TRIM24: variants seen among roughly 807,000 people sequenced by gnomAD.
TRIM24 encodes the protein tripartite motif containing 24.
A neutral mutation model predicts 123.9 loss-of-function variants in TRIM24; 29 were observed. The ratio of observed to expected loss-of-function variants is 0.23; its 90% CI spans 0.17 to 0.32. TRIM24 has a LOEUF of 0.32. Among genes scored for constraint, TRIM24 ranks in the 10% least tolerant of loss-of-function variants. TRIM24 has a pLI of 1.00. For synonymous variants in TRIM24, 456 were observed against 461.1 expected (o/e 0.99, Z 0.14); for missense variants, 932 against 1,295.3 (o/e 0.72, Z 4.31).
At chr7:138,572,984 C>T (rs10240387) in intron 11 of TRIM24, among the ~76,000 whole-genome samples, 1,963 of 152,274 alleles carry the variant, frequency 0.013, 32 homozygotes, top group African/African-American at 0.044. Context: ...ATATGGACTT[C>T]GTCTATTTAG....
At chr7:138,505,629 T>TG (rs1584705954) in intron 2 of TRIM24, among the ~76,000 whole-genome samples, 1 of 151,986 alleles carries the variant, frequency 6.6e-6, no homozygotes, top group Non-Finnish European at 1.5e-5. Flanking sequence ...CTCCAACTCC[T>TG]GGGCTCAAGT....
chr7:138,573,418 ATT>A (rs1797696089), intron 11 of TRIM24, 87 bp from the exon 12 acceptor site: 5 of 1,129,158 alleles, frequency 4.4e-6, no homozygotes, highest in Non-Finnish European at 5.8e-6. Flanking sequence ...GATAATAATT[ATT>A]AAGTTATTGA....
rs759796188 is a variant in TRIM24 at position 138,515,245 on chromosome 7, A to G, written c.517A>G (p.Asn173Asp). The G allele has an allele frequency of 1.9e-6, 3 of 1,613,712 alleles. No individual in the cohort carries two copies. Among genetic ancestry groups the G allele is most frequent in the Non-Finnish European group, 2.5e-6 (3 of 1,179,714 alleles). ...CTSCEDNAEA[N>D]GFCVECVEWL... is the part of the protein sequence containing the mutation. ...AAGCTGTGAGGACAACGCAGAAGCC[A>G]ATGGGTTTTGTGTAGAGTGTGTTGA... The change falls in exon 3 of 19, where the codon AAT becomes GAT. Residue 173 changes from asparagine to aspartate, a missense_variant. Asn to Asp is a conservative substitution (Grantham distance 23, BLOSUM62 1). Transcript: ENST00000343526.
intron 14 of TRIM24, 71 bp downstream of exon 14, chr7:138,577,659 T>A (rs1797789352): frequency 3.9e-6 from 5 of 1,266,496 alleles, no homozygotes; most frequent in South Asian, 2.3e-5. Flanking sequence ...TAAATAGCTC[T>A]TAGGAGTTTT....
In TRIM24 at chr7:138,460,375, T is replaced by A. The variant is rs1027236346; in HGVS notation, c.-174T>A. The A allele has an allele frequency of 1.8e-6, 1 of 567,538 alleles. No individual in the cohort carries two copies. Among genetic ancestry groups the A allele is most frequent in the Non-Finnish European group, 2.6e-6 (1 of 381,574 alleles). The allele number at this position is 567,538 out of a possible 1,614,324, so 35.2% of individuals were successfully genotyped here. ...CCGGCCGCGCCACTCGGGAGGCGGA[T>A]CCCGTGGGCCTGAGGAGGCTTCCCC... On this transcript the variant is annotated 5_prime_UTR_variant, in exon 1 of 19. Coordinates refer to ENST00000343526, the MANE Select transcript of TRIM24 (RefSeq NM_015905.3).
chr7:138,522,507 G>T (rs1796524394), intron 4 of TRIM24, among the ~76,000 whole-genome samples: 1 of 152,082 alleles, frequency 6.6e-6, no homozygotes, highest in Admixed American at 6.5e-5. Context: ...ATTTGGAAAT[G>T]AAATTCTTGT....
chr7:138,532,877 CT>C (rs1378065908), intron 6 of TRIM24, among the ~76,000 whole-genome samples: 3 of 152,136 alleles, frequency 2.0e-5, no homozygotes, highest in Non-Finnish European at 4.4e-5. Context: ...TTTGTGTCCT[CT>C]TTTATTTTGT....
At chr7:138,505,540 G>A (rs1796135380) in intron 2 of TRIM24, among the ~76,000 whole-genome samples, 1 of 151,176 alleles carries the variant, frequency 6.6e-6, no homozygotes. Flanking sequence ...TGTTGTTGTT[G>A]TTGTTGTTGT....
intron 2 of TRIM24, among the ~76,000 whole-genome samples, chr7:138,512,497 A>G (rs1433224575): frequency 6.6e-6 from 1 of 152,136 alleles, no homozygotes; most frequent in Non-Finnish European, 1.5e-5. Flanking sequence ...ATCCAGGCAG[A>G]GAGAGGCTCC....
chr7:138,531,898 A>G (rs540638236), intron 6 of TRIM24, among the ~76,000 whole-genome samples: 1 of 152,216 alleles, frequency 6.6e-6, no homozygotes, highest in South Asian at 2.1e-4. Context: ...TGACTTTTTA[A>G]TGATGGCCAT....
At chr7:138,496,216 C>A (rs919783614) in intron 1 of TRIM24, among the ~76,000 whole-genome samples, 1 of 152,138 alleles carries the variant, frequency 6.6e-6, no homozygotes, top group Non-Finnish European at 1.5e-5. Context: ...GTTGAGTCTA[C>A]CAATCTAATA....
intron 1 of TRIM24, among the ~76,000 whole-genome samples, chr7:138,472,273 G>A (rs1477787419): frequency 6.6e-6 from 1 of 151,480 alleles, no homozygotes; most frequent in Non-Finnish European, 1.5e-5. Context: ...AAGGATCCAC[G>A]AGAACTACTG....
At chr7:138,558,229 G>A (rs1398310488) in intron 9 of TRIM24, among the ~76,000 whole-genome samples, 2 of 152,060 alleles carry the variant, frequency 1.3e-5, no homozygotes, top group Non-Finnish European at 2.9e-5. Flanking sequence ...GGACTAGGGT[G>A]GGGTGATTTG....
intron 7 of TRIM24, among the ~76,000 whole-genome samples, chr7:138,546,247 G>A (rs918744436): frequency 6.6e-6 from 1 of 152,172 alleles, no homozygotes; most frequent in African/African-American, 2.4e-5. Context: ...CAAGAATACT[G>A]TAACTAAGTC....
intron 2 of TRIM24, among the ~76,000 whole-genome samples, chr7:138,507,824 T>C (rs915997290): frequency 1.3e-5 from 2 of 151,860 alleles, no homozygotes; most frequent in African/African-American, 4.8e-5. Flanking sequence ...TCCCAGCTAG[T>C]TGGGAGGCTG....
At chr7:138,516,195 G>A (rs571408722) in intron 3 of TRIM24, among the ~76,000 whole-genome samples, 1 of 152,212 alleles carries the variant, frequency 6.6e-6, no homozygotes, top group African/African-American at 2.4e-5. Flanking sequence ...CCAGCTACTC[G>A]GGAGGCTGAG....
Position 138,585,127 on chromosome 7 carries a change from T to C in TRIM24, c.*176T>C. ...CCCATTTCTGTTAACCTCTTATCACTAAGAAAGAAAGGAAAGAAGGAGATG... is the reference window on the plus strand; with the variant it reads ...CCCATTTCTGTTAACCTCTTATCACCAAGAAAGAAAGGAAAGAAGGAGATG... On this transcript the variant is annotated 3_prime_UTR_variant, in exon 19 of 19. Coordinates refer to ENST00000343526, the MANE Select transcript of TRIM24 (RefSeq NM_015905.3). 2.3e-6 allele frequency: 1 copy of C among 427,380 alleles called. No homozygotes were observed. Among genetic ancestry groups the C allele is most frequent in the Admixed American group, 4.4e-5 (1 of 22,806 alleles). 26.5% of individuals were successfully genotyped at this position (427,380 alleles called of 1,614,324 possible).
At chr7:138,524,366 A>G (rs1482731997) in intron 4 of TRIM24, among the ~76,000 whole-genome samples, 1 of 152,176 alleles carries the variant, frequency 6.6e-6, no homozygotes, top group African/African-American at 2.4e-5. Context: ...AAATAAGGGT[A>G]GTAAAGAAAA....
chr7:138,538,054 C>A (rs891012770), intron 6 of TRIM24, among the ~76,000 whole-genome samples: 9 of 152,166 alleles, frequency 5.9e-5, no homozygotes, highest in South Asian at 4.1e-4. Context: ...AATCTATATT[C>A]TTTTATGTAG....
Sources: gnomAD v4.1 joint callset for allele counts (sites outside exome capture counted in the v4.1 genomes callset) on GRCh38, gnomAD v4.1.1 for gene constraint, MANE v1.5 for transcripts, NCBI Gene and HGNC (gene_info 2026-07-23, HGNC 2026-07-21) for gene names.